The following CFAP299 variants were observed in gnomAD, a reference collection of about 807,000 sequenced individuals.
The protein encoded by CFAP299 is cilia- and flagella-associated protein 299.
A neutral mutation model predicts 27.0 loss-of-function variants in CFAP299; 21 were observed. The observed-to-expected ratio is 0.78, with a 90% CI of 0.55 to 1.12. The LOEUF (loss-of-function observed/expected upper bound fraction) is 1.12. Among genes scored for constraint, CFAP299 ranks in the 50% most tolerant of loss-of-function variants. The pLI, the probability that CFAP299 is intolerant of heterozygous loss-of-function variation, is 0.00. For synonymous variants in CFAP299, 104 were observed against 98.1 expected (o/e 1.06, Z -0.36); for missense variants, 310 against 276.6 (o/e 1.12, Z -0.86).
chr4:80,684,414 C>T (rs114877308), intron 3 of CFAP299, among the ~76,000 whole-genome samples: 138 of 152,166 alleles, frequency 9.1e-4, no homozygotes, highest in African/African-American at 3.2e-3. Flanking sequence ...TAGGCGCCTG[C>T]TACCACGCCC....
intron 3 of CFAP299, among the ~76,000 whole-genome samples, chr4:80,600,369 T>G (rs1401145209): frequency 1.3e-5 from 2 of 152,118 alleles, no homozygotes; most frequent in African/African-American, 4.8e-5. Flanking sequence ...GATGTTATAT[T>G]ACATCCATGT....
At chr4:80,386,856 T>G in intron 2 of CFAP299, 1 of 880,356 alleles carries the variant, frequency 1.1e-6, no homozygotes, top group South Asian at 1.3e-5. Flanking sequence ...CTCTTACAGT[T>G]TGTCCTTGAG....
At chr4:80,909,301 G>T (rs983333898) in intron 4 of CFAP299, among the ~76,000 whole-genome samples, 2 of 151,936 alleles carry the variant, frequency 1.3e-5, no homozygotes, top group African/African-American at 2.4e-5. Context: ...TTTTCCAGAA[G>T]AGTTTATTCA....
In CFAP299 at chr4:80,870,009, G is replaced by A. The variant is rs201569592; in HGVS notation, c.350G>A (p.Arg117His). The A allele has an allele frequency of 3.8e-5, 61 of 1,608,914 alleles. No individual in the cohort carries two copies. In the East Asian group the frequency reaches 8.7e-4, roughly 23 times the overall value. ...TGCTACCAGTCCGTGATCTTTATTCGTGACAGAAATTCTCATGGGCAAGAG... is the reference window on the plus strand; with the variant it reads ...TGCTACCAGTCCGTGATCTTTATTCATGACAGAAATTCTCATGGGCAAGAG... ...SGKLSSVIFI[R>H]DRNSHGQEIS... Residue 117 changes from arginine to histidine, a missense_variant, in exon 4 of 6, where the codon CGT (arginine) becomes CAT (histidine). Transcript: ENST00000358105.
chr4:80,816,926 C>G (rs1283841183), intron 3 of CFAP299, among the ~76,000 whole-genome samples: 1 of 152,122 alleles, frequency 6.6e-6, no homozygotes, highest in Admixed American at 6.6e-5. Context: ...CTGTCGGGAG[C>G]CACATGCAGC....
intron 2 of CFAP299, among the ~76,000 whole-genome samples, chr4:80,393,468 G>A (rs1233706904): frequency 6.6e-6 from 1 of 152,112 alleles, no homozygotes; most frequent in African/African-American, 2.4e-5. Context: ...CTCACTGAAA[G>A]CAACTTCCAG....
chr4:80,458,196 A>C (rs749256454), intron 2 of CFAP299, among the ~76,000 whole-genome samples: 1 of 152,218 alleles, frequency 6.6e-6, no homozygotes, highest in Non-Finnish European at 1.5e-5. Flanking sequence ...GCGCCCCCAA[A>C]ATTCAAGAGT....
intron 3 of CFAP299, among the ~76,000 whole-genome samples, chr4:80,695,971 T>A (rs1028343652): frequency 6.6e-6 from 1 of 152,044 alleles, no homozygotes; most frequent in Non-Finnish European, 1.5e-5. Context: ...TACTATACTA[T>A]CTTGGGGATA....
rs78190329 is a variant in CFAP299, at chr4:80,587,347, A to T, written c.333+4164A>T. ...GATCTTTAATTTCCTTATTTCCTGG[A>T]TAAAAATTTGATACAGAGGCAGTGA... On this transcript the variant is annotated intron_variant, in intron 3 of 5. Transcript: ENST00000358105. Among the ~76,000 whole-genome samples, 865 of 152,176 alleles carry T rather than the reference A, an allele frequency of 5.7e-3. 5 individuals carry two copies. Among genetic ancestry groups the T allele is most frequent in the African/African-American group, 0.02 (819 of 41,510 alleles).
intron 3 of CFAP299, among the ~76,000 whole-genome samples, chr4:80,650,965 C>G (rs563473204): frequency 1.3e-5 from 2 of 151,774 alleles, no homozygotes; most frequent in Non-Finnish European, 2.9e-5. Context: ...TACTAAAGAA[C>G]TTACTCAAGT....
chr4:80,948,208 A>G (rs879138664), intron 5 of CFAP299, among the ~76,000 whole-genome samples: 1 of 152,182 alleles, frequency 6.6e-6, no homozygotes, highest in African/African-American at 2.4e-5. Context: ...ATTCTGAAGT[A>G]TGTTTCCCGT....
intron 3 of CFAP299, among the ~76,000 whole-genome samples, chr4:80,716,709 G>A (rs908748316): frequency 4.6e-5 from 7 of 152,090 alleles, no homozygotes; most frequent in African/African-American, 1.7e-4. Context: ...TAAAGCACCT[G>A]TCTTTTATCG....
intron 3 of CFAP299, among the ~76,000 whole-genome samples, chr4:80,703,889 G>A (rs377183545): frequency 1.3e-4 from 20 of 151,768 alleles, no homozygotes; most frequent in African/African-American, 3.6e-4. Context: ...AGAAACCAGC[G>A]TCTGGGGAAG....
At chr4:80,562,863 G>A (rs943715367) in intron 2 of CFAP299, among the ~76,000 whole-genome samples, 2 of 151,774 alleles carry the variant, frequency 1.3e-5, no homozygotes, top group African/African-American at 4.8e-5. Context: ...AAGATTCTAT[G>A]TCAATGGATA....
At chr4:80,729,592 CTTTTTTTTTTTT>C (rs34745276) in intron 3 of CFAP299, among the ~76,000 whole-genome samples, 24 of 64,326 alleles carry the variant, frequency 3.7e-4, no homozygotes, top group Admixed American at 3.3e-3. Context: ...GCTTCAGCAT[CTTTTTTTTTTTT>C]TTTTTTTTTT....
At chr4:80,438,368 G>A (rs1216787506) in intron 2 of CFAP299, among the ~76,000 whole-genome samples, 3 of 152,142 alleles carry the variant, frequency 2.0e-5, no homozygotes, top group African/African-American at 7.2e-5. Context: ...ATGGCAGGGA[G>A]GCTACTCTTG....
intron 3 of CFAP299, among the ~76,000 whole-genome samples, chr4:80,782,859 C>A (rs181467842): frequency 1.3e-5 from 2 of 150,804 alleles, no homozygotes; most frequent in Admixed American, 6.7e-5. Context: ...ATCAGTGTAT[C>A]CATATCCCAG....
intron 5 of CFAP299, among the ~76,000 whole-genome samples, chr4:80,949,377 A>G (rs1295813538): frequency 6.6e-6 from 1 of 152,134 alleles, no homozygotes; most frequent in Non-Finnish European, 1.5e-5. Flanking sequence ...ATGATTTTTG[A>G]TCTGGGGACA....
intron 3 of CFAP299, among the ~76,000 whole-genome samples, chr4:80,735,473 T>C (rs1200325458): frequency 2.0e-5 from 3 of 152,172 alleles, no homozygotes; most frequent in Admixed American, 6.6e-5. Flanking sequence ...TCCAGTACTA[T>C]GTTGAATAAC....
Sources: gnomAD v4.1 joint callset for allele counts (sites outside exome capture counted in the v4.1 genomes callset) on GRCh38, gnomAD v4.1.1 for gene constraint, MANE v1.5 for transcripts, NCBI Gene and HGNC (gene_info 2026-07-23, HGNC 2026-07-21) for gene names.